Variants in C12orf56 observed in about 807,000 individuals in gnomAD.
C12orf56 encodes uncharacterized protein C12orf56.
C12orf56 carries 71 observed loss-of-function variants against 69.9 expected under a neutral mutation model. That is an observed-to-expected ratio of 1.02 (90% CI 0.84 to 1.24). C12orf56 has a LOEUF of 1.24. Ranked by LOEUF, C12orf56 falls within the 50% of genes most tolerant of loss-of-function variation. The probability of loss-of-function intolerance (pLI) is 0.00; values close to 1 mark genes in which losing one functional copy is unlikely to be tolerated. For synonymous variants in C12orf56, 276 were observed against 274.1 expected, an observed-to-expected ratio of 1.01 and a Z score of -0.07; for missense variants, 732 against 738.5, an observed-to-expected ratio of 0.99 and a Z score of 0.10.
At chr12:64,287,127 C>A (rs2038213736) in intron 6 of C12orf56, among the ~76,000 whole-genome samples, 2 of 151,622 alleles carry the variant, frequency 1.3e-5, no homozygotes, top group African/African-American at 4.8e-5. Context: ...ATCCCTAATC[C>A]CAGCTACTTG....
chr12:64,299,351 C>G (rs2038413413), intron 6 of C12orf56, among the ~76,000 whole-genome samples: 1 of 152,194 alleles, frequency 6.6e-6, no homozygotes, highest in Non-Finnish European at 1.5e-5. Flanking sequence ...TTGACTTCCC[C>G]TTTTCCTATC....
chr12:64,274,381 A>T (rs2136747730), intron 11 of C12orf56, among the ~76,000 whole-genome samples: 1 of 152,298 alleles, frequency 6.6e-6, no homozygotes, highest in Non-Finnish European at 1.5e-5. Context: ...ATTCAGAAGG[A>T]AGAGTTATTG....
At chr12:64,304,758 G>A (rs1247593939) in intron 5 of C12orf56, among the ~76,000 whole-genome samples, 1 of 152,134 alleles carries the variant, frequency 6.6e-6, no homozygotes. Context: ...ACTCGTTCTT[G>A]GACTGAGCTG....
intron 2 of C12orf56, among the ~76,000 whole-genome samples, chr12:64,348,293 TA>T (rs1173465264): frequency 2.0e-5 from 3 of 151,384 alleles, no homozygotes; most frequent in Non-Finnish European, 2.9e-5. Context: ...AAAGCAGGGG[TA>T]GGGGGGTATT....
chr12:64,272,428 C>A (rs1183002471), intron 11 of C12orf56, among the ~76,000 whole-genome samples: 1 of 151,774 alleles, frequency 6.6e-6, no homozygotes, highest in Admixed American at 6.6e-5. Flanking sequence ...TCACTTGAAC[C>A]CAGGAGGTGG....
chr12:64,313,274 A>AAAAAGAAAGAAAG lies in C12orf56; in HGVS notation c.895-523_895-522insCTTTCTTTCTTTT, dbSNP rs762664621. Among the ~76,000 whole-genome samples the AAAAAGAAAGAAAG allele has an allele frequency of 5.8e-3, 469 of 81,402 alleles. 4 individuals carry two copies. Among genetic ancestry groups the AAAAAGAAAGAAAG allele is most frequent in the East Asian group, 0.028 (71 of 2,500 alleles). 53.4% of individuals were successfully genotyped at this position (81,402 alleles called of 152,430 possible). ...GAGACTCTGTCTCAAAAAAAAAAAA[A>AAAAAGAAAGAAAG]AAAGAAAGAAAGAAAGAAAGAAAGA... is the stretch of plus-strand genomic sequence containing the variant. On this transcript the variant is annotated intron_variant, in intron 4 of 12. Transcript: ENST00000543942.
intron 2 of C12orf56, among the ~76,000 whole-genome samples, chr12:64,333,263 C>T (rs2038953638): frequency 6.6e-6 from 1 of 152,102 alleles, no homozygotes; most frequent in Admixed American, 6.5e-5. Context: ...TCACTGCTGG[C>T]ATGCTGGAAA....
chr12:64,390,430 C>T lies in C12orf56; in HGVS notation c.136G>A (p.Glu46Lys). The T allele has an allele frequency of 6.2e-7, 1 of 1,612,462 alleles. No homozygotes were observed. Reference sequence around the variant, plus strand: ...ACCACATACTTGAGGATGTGGTTCTCAGAGTTGGACACCACGATGCATGGC... The same window carrying T: ...ACCACATACTTGAGGATGTGGTTCTTAGAGTTGGACACCACGATGCATGGC... The part of the protein sequence containing the change: ...YEPCIVVSNS[E>K]NHILKYVVLS... The change falls in exon 1 of 13, where the codon GAG becomes AAG. Residue 46 changes from glutamate to lysine, a missense_variant. Coordinates refer to ENST00000543942, the MANE Select transcript of C12orf56 (RefSeq NM_001170633.2).
Position 64,274,898 on chromosome 12 carries a change from T to TA in C12orf56, c.1584+2dup, listed in dbSNP as rs1351656539. ...GATTTCGTTTTGACTTCTAGATACT[T>TA]ACGATGGGAGGACAGCTTTGTAGAA... On this transcript the variant is annotated splice_region_variant and intron_variant, in intron 11 of 12. Transcript: ENST00000543942. 6.2e-7 allele frequency: 1 copy of TA among 1,603,600 alleles called. No individual in the cohort carries two copies. The highest frequency in any genetic ancestry group is 1.7e-5 in the Admixed American group (1 of 59,940).
At chr12:64,277,286 A>G (rs2038064425) in intron 9 of C12orf56, among the ~76,000 whole-genome samples, 1 of 152,038 alleles carries the variant, frequency 6.6e-6, no homozygotes, top group South Asian at 2.1e-4. Context: ...ATAAGAGTTA[A>G]CCCTAAAATC....
chr12:64,318,344 T>G (rs536924223), intron 4 of C12orf56, among the ~76,000 whole-genome samples: 3 of 152,196 alleles, frequency 2.0e-5, no homozygotes, highest in Non-Finnish European at 4.4e-5. Flanking sequence ...ATTACAGGAA[T>G]GAGCCACCAT....
chr12:64,355,384 C>T (rs2039297366), intron 1 of C12orf56, among the ~76,000 whole-genome samples: 1 of 152,074 alleles, frequency 6.6e-6, no homozygotes. Context: ...GAAATCACCA[C>T]TCAACTTTCT....
chr12:64,318,582 T>A lies in C12orf56; in HGVS notation c.887A>T (p.Tyr296Phe), dbSNP rs1462434471. The A allele has an allele frequency of 2.6e-6, 4 of 1,532,288 alleles. No homozygotes were observed. The highest frequency in any genetic ancestry group is 4.9e-5 in the East Asian group (2 of 40,884). 94.9% of individuals were successfully genotyped at this position (1,532,288 alleles called of 1,614,324 possible). A position where few individuals can be genotyped will look rare whatever the true frequency, so the allele number is the denominator to read the frequency against. Residue 296 changes from tyrosine (Y) to phenylalanine (F), a missense_variant, in exon 4 of 13, where the codon TAT becomes TTT. Transcript: ENST00000543942. Reference protein sequence around the residue: ...FLHLKSSWNNYIIKATLLQDP... With the variant: ...FLHLKSSWNNFIIKATLLQDP... ...ACTTAGGAGGACACTTACTATAATA[T>A]AATTGTTCCATGAACTTTTTAAGTG...
At chr12:64,344,931 C>A (rs1006900175) in intron 2 of C12orf56, among the ~76,000 whole-genome samples, 1 of 152,108 alleles carries the variant, frequency 6.6e-6, no homozygotes. Context: ...ACTATTAGAA[C>A]CTTTTTTAAC....
chr12:64,293,695 A>G (rs371013367), intron 6 of C12orf56, among the ~76,000 whole-genome samples: 114 of 152,360 alleles, frequency 7.5e-4, no homozygotes, highest in African/African-American at 2.4e-3. Context: ...ATAAAATATC[A>G]TGCATCTACC....
chr12:64,301,956 G>A (rs758951552), intron 6 of C12orf56, among the ~76,000 whole-genome samples: 20 of 152,168 alleles, frequency 1.3e-4, no homozygotes, highest in Non-Finnish European at 2.2e-4. Flanking sequence ...CTTAAATGTT[G>A]AAGCCAAAGT....
chr12:64,277,664 C>T lies in C12orf56; in HGVS notation c.1434+16G>A. On this transcript the variant is annotated intron_variant, in intron 9 of 12. Coordinates refer to ENST00000543942, the MANE Select transcript of C12orf56 (RefSeq NM_001170633.2). ...TATATATATATAATAGTTTACCCCC[C>T]AAATTCTCATCTCACCTCAGCGTCA... 6.8e-7 allele frequency: 1 copy of T among 1,461,540 alleles called. No individual in the cohort carries two copies. The allele number at this position is 1,461,540 out of a possible 1,614,324, so 90.5% of individuals were successfully genotyped here.
chr12:64,347,978 T>C (rs1333776143), intron 2 of C12orf56, among the ~76,000 whole-genome samples: 1 of 152,132 alleles, frequency 6.6e-6, no homozygotes, highest in Non-Finnish European at 1.5e-5. Flanking sequence ...ATTAACTAAA[T>C]TCAAAAGGCT....
chr12:64,303,099 C>A (rs1300230809), intron 6 of C12orf56, among the ~76,000 whole-genome samples: 5 of 151,844 alleles, frequency 3.3e-5, no homozygotes, highest in Admixed American at 3.3e-4. Flanking sequence ...ATGGTGAAAC[C>A]CCATCTCTAC....
Sources: allele counts gnomAD v4.1 joint callset (sites outside exome capture counted in the v4.1 genomes callset), GRCh38; gene constraint gnomAD v4.1.1; transcripts MANE v1.5; gene names NCBI Gene and HGNC (gene_info 2026-07-23, HGNC 2026-07-21).